CHN1: variants seen among roughly 807,000 people sequenced by gnomAD.
CHN1 encodes N-chimaerin.
In CHN1, 37 loss-of-function variants were observed where a neutral mutation model predicts 59.5. The observed-to-expected ratio is 0.62, with a 90% CI of 0.48 to 0.82. CHN1 has a LOEUF of 0.82. CHN1 is among the 40% of genes least tolerant of loss of function. CHN1 has a pLI of 0.00. For synonymous variants in CHN1, 206 were observed against 200.4 expected (o/e 1.03, Z -0.24); for missense variants, 469 against 571.0 (o/e 0.82, Z 1.82).
intron 5 of CHN1, among the ~76,000 whole-genome samples, chr2:174,884,101 G>A (rs763855121): frequency 3.3e-5 from 5 of 151,672 alleles, no homozygotes; most frequent in Non-Finnish European, 7.4e-5. Context: ...CCGAGTAGCT[G>A]GGAGCTACAG....
At chr2:174,991,860 T>A (rs1325071150) in intron 1 of CHN1, among the ~76,000 whole-genome samples, 1 of 152,234 alleles carries the variant, frequency 6.6e-6, no homozygotes, top group South Asian at 2.1e-4. Flanking sequence ...GTACCTGCTA[T>A]GTGTGAAGCA....
At chr2:174,825,134 T>C (rs924325926) in intron 7 of CHN1, among the ~76,000 whole-genome samples, 1 of 152,244 alleles carries the variant, frequency 6.6e-6, no homozygotes, top group Non-Finnish European at 1.5e-5. Flanking sequence ...GGCATTTCTA[T>C]GTACTATGCT....
intron 10 of CHN1, among the ~76,000 whole-genome samples, chr2:174,809,869 T>C (rs537307221): frequency 5.9e-5 from 9 of 151,774 alleles, no homozygotes; most frequent in Non-Finnish European, 1.3e-4. Flanking sequence ...TCTCTCACTG[T>C]ACCTGTCACA....
At chr2:174,841,582 C>T (rs1280633412) in intron 7 of CHN1, among the ~76,000 whole-genome samples, 1 of 152,040 alleles carries the variant, frequency 6.6e-6, no homozygotes, top group Non-Finnish European at 1.5e-5. Flanking sequence ...GCAAGTGGCC[C>T]ACATTGAGAA....
chr2:174,855,992 T>G (rs1027229875), intron 6 of CHN1, among the ~76,000 whole-genome samples: 1 of 152,106 alleles, frequency 6.6e-6, no homozygotes, highest in Non-Finnish European at 1.5e-5. Context: ...TTTTGAAAGG[T>G]TGCCATTTGA....
At chr2:174,874,892 A>C (rs371112007) in intron 6 of CHN1, among the ~76,000 whole-genome samples, 4 of 33,320 alleles carry the variant, frequency 1.2e-4, no homozygotes, top group Admixed American at 3.7e-4. Flanking sequence ...TTTTTTTTTG[A>C]GACGAAGTTT....
At chr2:175,003,202 G>A (rs1691945000) in intron 1 of CHN1, among the ~76,000 whole-genome samples, 1 of 152,220 alleles carries the variant, frequency 6.6e-6, no homozygotes. Flanking sequence ...GCACTCAAGA[G>A]TGCTTTGTTT....
At chr2:174,947,653 T>G (rs1689888016) in intron 2 of CHN1, among the ~76,000 whole-genome samples, 1 of 151,928 alleles carries the variant, frequency 6.6e-6, no homozygotes, top group Admixed American at 6.6e-5. Flanking sequence ...CAAGCTAATT[T>G]TTGTATTTTT....
At chr2:174,858,739 T>C (rs538576933) in intron 6 of CHN1, among the ~76,000 whole-genome samples, 3 of 152,148 alleles carry the variant, frequency 2.0e-5, no homozygotes, top group East Asian at 3.9e-4. Context: ...ATATAAGAGA[T>C]AGTCATTAGG....
chr2:174,927,383 A>T (rs1306571957), intron 3 of CHN1, among the ~76,000 whole-genome samples: 1 of 152,170 alleles, frequency 6.6e-6, no homozygotes. Flanking sequence ...TAAACATTTT[A>T]ATCTAATTCA....
chr2:174,993,940 GCAGA>G (rs1691628022), intron 1 of CHN1, among the ~76,000 whole-genome samples: 1 of 152,116 alleles, frequency 6.6e-6, no homozygotes, highest in African/African-American at 2.4e-5. Flanking sequence ...GGTTCCTGTA[GCAGA>G]CAAATTAATG....
intron 5 of CHN1, among the ~76,000 whole-genome samples, chr2:174,912,136 A>G (rs1448889198): frequency 6.6e-6 from 1 of 152,226 alleles, no homozygotes; most frequent in Non-Finnish European, 1.5e-5. Flanking sequence ...AAAATACGAA[A>G]TATGAAAAGA....
At chr2:174,826,188 C>T (rs889483001) in intron 7 of CHN1, among the ~76,000 whole-genome samples, 2 of 152,102 alleles carry the variant, frequency 1.3e-5, no homozygotes, top group African/African-American at 2.4e-5. Context: ...GGCACGGTAG[C>T]CTCTGGATTG....
intron 7 of CHN1, among the ~76,000 whole-genome samples, chr2:174,844,250 C>T (rs1340941747): frequency 6.6e-6 from 1 of 151,068 alleles, no homozygotes; most frequent in East Asian, 1.9e-4. Context: ...GGGAAGCCTT[C>T]CTGTTTTATT....
At chr2:174,999,220 G>A (rs951465847) in intron 1 of CHN1, among the ~76,000 whole-genome samples, 82 of 152,098 alleles carry the variant, frequency 5.4e-4, no homozygotes, top group African/African-American at 1.9e-3. Flanking sequence ...ATAACTAATG[G>A]CTGGTAATTT....
chr2:174,969,692 T>TC (rs1293118556), intron 1 of CHN1, among the ~76,000 whole-genome samples: 3 of 151,940 alleles, frequency 2.0e-5, no homozygotes, highest in Non-Finnish European at 4.4e-5. Context: ...CACTTCATAC[T>TC]CTTTTTTTTT....
intron 1 of CHN1, among the ~76,000 whole-genome samples, chr2:174,982,522 T>G (rs1007839024): frequency 6.6e-6 from 1 of 152,176 alleles, no homozygotes; most frequent in African/African-American, 2.4e-5. Context: ...TCATAGTGGT[T>G]TTGATTTGCA....
intron 6 of CHN1, among the ~76,000 whole-genome samples, chr2:174,862,660 A>G (rs1405974547): frequency 6.6e-6 from 1 of 152,160 alleles, no homozygotes; most frequent in African/African-American, 2.4e-5. Flanking sequence ...ACAATAGCAT[A>G]TTAAATTAGT....
In CHN1 at chr2:174,943,681, T is replaced by C. The variant is rs999889210; in HGVS notation, c.114+1207A>G. ...CACAGTGCTCTTCATCCACTCCTTA[T>C]CATATTATTATGATAATAATTATGT... On this transcript the variant is annotated intron_variant, in intron 3 of 12. Transcript: ENST00000409900. 7.2e-5 allele frequency among the ~76,000 whole-genome samples: 11 copies of C among 152,282 alleles called. No homozygotes were observed. In the South Asian group the frequency reaches 1.7e-3, roughly 23 times the overall value.
Sources: gnomAD v4.1 joint callset for allele counts (sites outside exome capture counted in the v4.1 genomes callset) on GRCh38, gnomAD v4.1.1 for gene constraint, MANE v1.5 for transcripts, NCBI Gene and HGNC (gene_info 2026-07-23, HGNC 2026-07-21) for gene names.